Variants in CRIM1 observed in about 807,000 individuals in gnomAD.
CRIM1 encodes the protein cysteine-rich motor neuron 1 protein.
A neutral mutation model predicts 116.4 loss-of-function variants in CRIM1; 32 were observed. The ratio of observed to expected loss-of-function variants is 0.27; its 90% CI spans 0.21 to 0.37. The LOEUF is 0.37. Among genes scored for constraint, CRIM1 ranks in the 10% least tolerant of loss-of-function variants. The pLI, the probability that CRIM1 is intolerant of heterozygous loss-of-function variation, is 1.00. For missense variants in CRIM1, 1,331 were observed against 1,354.8 expected, an observed-to-expected ratio of 0.98 and a Z score of 0.28; for synonymous variants, 590 against 509.2, an observed-to-expected ratio of 1.16 and a Z score of -2.13.
chr2:36,438,003 G>A (rs554762115), intron 2 of CRIM1, among the ~76,000 whole-genome samples: 64 of 151,998 alleles, frequency 4.2e-4, no homozygotes, highest in African/African-American at 1.4e-3. Context: ...GTGGTGGCAC[G>A]CACCCGTAGT....
At chr2:36,454,103 G>C (rs1676941068) in intron 4 of CRIM1, among the ~76,000 whole-genome samples, 1 of 152,096 alleles carries the variant, frequency 6.6e-6, no homozygotes, top group Non-Finnish European at 1.5e-5. Flanking sequence ...TAGTATGGTA[G>C]GCAAGGCCCC....
intron 5 of CRIM1, among the ~76,000 whole-genome samples, chr2:36,470,209 C>T (rs1010431700): frequency 6.6e-6 from 1 of 152,156 alleles, no homozygotes; most frequent in Non-Finnish European, 1.5e-5. Flanking sequence ...AGAGAACATC[C>T]TCCATGAATA....
chr2:36,403,662 G>A (rs1672579406), intron 2 of CRIM1, among the ~76,000 whole-genome samples: 1 of 152,164 alleles, frequency 6.6e-6, no homozygotes, highest in Non-Finnish European at 1.5e-5. Context: ...AGAAAGGGAA[G>A]ACTTCCAGAT....
intron 1 of CRIM1, among the ~76,000 whole-genome samples, chr2:36,387,531 C>T (rs545953836): frequency 2.6e-5 from 4 of 152,246 alleles, no homozygotes; most frequent in South Asian, 2.1e-4. Context: ...TGAGATTTTC[C>T]TTGGAAACTA....
At chr2:36,362,836 C>T (rs1357208308) in intron 1 of CRIM1, among the ~76,000 whole-genome samples, 1 of 152,098 alleles carries the variant, frequency 6.6e-6, no homozygotes, top group Non-Finnish European at 1.5e-5. Flanking sequence ...AATTCCTTAC[C>T]TCCCTCCTCC....
chr2:36,471,622 C>T (rs1231140683), intron 5 of CRIM1, among the ~76,000 whole-genome samples: 1 of 151,982 alleles, frequency 6.6e-6, no homozygotes, highest in Non-Finnish European at 1.5e-5. Context: ...TAGACTATAG[C>T]AGGGGTGTCC....
intron 5 of CRIM1, among the ~76,000 whole-genome samples, chr2:36,469,445 C>T (rs1002284880): frequency 6.6e-6 from 1 of 152,106 alleles, no homozygotes; most frequent in Non-Finnish European, 1.5e-5. Context: ...TGTTGCCCAC[C>T]CAGTAATTAG....
chr2:36,523,541 G>C (rs1229524232), intron 13 of CRIM1, among the ~76,000 whole-genome samples: 1 of 152,188 alleles, frequency 6.6e-6, no homozygotes, highest in Non-Finnish European at 1.5e-5. Flanking sequence ...TGTTCCCTGG[G>C]CTTTCACCCT....
intron 2 of CRIM1, among the ~76,000 whole-genome samples, chr2:36,430,730 G>C (rs1674820559): frequency 6.6e-6 from 1 of 152,220 alleles, no homozygotes; most frequent in African/African-American, 2.4e-5. Flanking sequence ...GCTGTTCTCA[G>C]AGGCATGCCC....
At position 36,499,330 on chromosome 2, in the gene CRIM1, C is replaced by T. The variant is rs1435307880; in HGVS notation, c.1484C>T (p.Thr495Ile). Residue 495 changes from threonine to isoleucine, a missense_variant, in exon 8 of 17, where the codon ACC becomes ATC. By Grantham distance (89) the Thr-to-Ile change is moderately conservative. This residue lies in a region of CRIM1 where 690 missense variants were observed against 676.0 expected (regional missense o/e 1.02). Coordinates refer to ENST00000280527, the MANE Select transcript of CRIM1 (RefSeq NM_016441.3). ...GFKRDHNGCRTCQCINTEELC... is the reference protein window; with the variant it reads ...GFKRDHNGCRICQCINTEELC... ...AAACGCGATCACAATGGTTGTCGGACCTGTCAGTGCATAAACAGTGAGTAG... is the reference window on the plus strand; with the variant it reads ...AAACGCGATCACAATGGTTGTCGGATCTGTCAGTGCATAAACAGTGAGTAG... The T allele has an allele frequency of 1.9e-6, 3 of 1,614,100 alleles. No individual in the cohort carries two copies. The Admixed American group carries it at 5.0e-5, about 27-fold the overall frequency.
At position 36,405,121 on chromosome 2, in the gene CRIM1, A is replaced by G. The variant is rs1485344596; in HGVS notation, c.505+8334A>G. Among the ~76,000 whole-genome samples, 3 of 152,226 alleles carry G rather than the reference A, an allele frequency of 2.0e-5. No homozygotes were observed. The East Asian group carries it at 5.8e-4, about 29-fold the overall frequency. ...GTAAACAAATCTTTAGTATTTAGAA[A>G]GAAATATTATGCCATTTTTTATTTA... On this transcript the variant is annotated intron_variant, in intron 2 of 16. Coordinates refer to ENST00000280527, the MANE Select transcript of CRIM1 (RefSeq NM_016441.3).
intron 9 of CRIM1, among the ~76,000 whole-genome samples, chr2:36,510,694 A>G (rs1664605210): frequency 1.3e-5 from 2 of 151,998 alleles, no homozygotes; most frequent in African/African-American, 2.4e-5. Context: ...TTATTTTTTA[A>G]TATACTTTAT....
At chr2:36,388,331 G>A (rs1011714845) in intron 1 of CRIM1, among the ~76,000 whole-genome samples, 1 of 150,826 alleles carries the variant, frequency 6.6e-6, no homozygotes, top group African/African-American at 2.4e-5. Context: ...TCTACATAGT[G>A]ACTTTGTTTT....
At chr2:36,424,474 G>A (rs137994768) in intron 2 of CRIM1, among the ~76,000 whole-genome samples, 1 of 152,152 alleles carries the variant, frequency 6.6e-6, no homozygotes, top group Non-Finnish European at 1.5e-5. Context: ...GAGCATTGTA[G>A]GAGATGGACA....
chr2:36,516,379 C>T (rs893077928), intron 11 of CRIM1, among the ~76,000 whole-genome samples: 1 of 152,158 alleles, frequency 6.6e-6, no homozygotes, highest in African/African-American at 2.4e-5. Flanking sequence ...GTGCTTGTTG[C>T]ATTTGGATTA....
rs562276777 is a variant in CRIM1 at position 36,470,324 on chromosome 2, T to C, written c.991+5669T>C. ...ATCTAGAAGATTTAGCTATGAAAAGTGATGAAGGTGGCTACACTAAACAAC... is the reference window on the plus strand; with the variant it reads ...ATCTAGAAGATTTAGCTATGAAAAGCGATGAAGGTGGCTACACTAAACAAC... On this transcript the variant is annotated intron_variant, in intron 5 of 16. Transcript: ENST00000280527. Among the ~76,000 whole-genome samples the C allele has an allele frequency of 6.6e-5, 10 of 152,262 alleles. No individual in the cohort carries two copies. The South Asian group carries it at 2.1e-3, about 32-fold the overall frequency.
intron 3 of CRIM1, 108 bp downstream of exon 3, chr2:36,441,608 A>C: frequency 6.9e-5 from 96 of 1,393,536 alleles, no homozygotes; most frequent in Non-Finnish European, 8.8e-5. Flanking sequence ...GGGCCTTCTC[A>C]CCGGTGTCCT....
intron 2 of CRIM1, among the ~76,000 whole-genome samples, chr2:36,425,841 A>G (rs1188984180): frequency 6.6e-6 from 1 of 152,236 alleles, no homozygotes; most frequent in Non-Finnish European, 1.5e-5. Context: ...AGAGCCTTGC[A>G]ATTCATTGCT....
At chr2:36,439,022 TCTGCTTTAAG>T (rs1024452651) in intron 2 of CRIM1, among the ~76,000 whole-genome samples, 32 of 152,326 alleles carry the variant, frequency 2.1e-4, no homozygotes, top group African/African-American at 7.7e-4. Flanking sequence ...TATTTTCCAT[TCTGCTTTAAG>T]CTGCTTATTG....
Sources: allele counts gnomAD v4.1 joint callset (sites outside exome capture counted in the v4.1 genomes callset), GRCh38; gene constraint gnomAD v4.1.1; regional missense constraint gnomAD v4.1.1; transcripts MANE v1.5; gene names NCBI Gene and HGNC (gene_info 2026-07-23, HGNC 2026-07-21).